The following PCDHGA10 variants were observed in gnomAD, a reference collection of about 807,000 sequenced individuals.
PCDHGA10 encodes the protein protocadherin gamma-A10.
In PCDHGA10, 42 loss-of-function variants were observed where a neutral mutation model predicts 59.5. The observed-to-expected ratio is 0.71, with a 90% CI of 0.55 to 0.91. The LOEUF (loss-of-function observed/expected upper bound fraction) is 0.91. Ranked by LOEUF, PCDHGA10 falls within the 40% of genes least tolerant of loss-of-function variation. PCDHGA10 has a pLI of 0.00. For synonymous variants in PCDHGA10, 511 were observed against 517.2 expected (o/e 0.99, Z 0.16); for missense variants, 1,111 against 1,198.2 (o/e 0.93, Z 1.07).
At chr5:141,459,375 C>T (rs973503237) in intron 1 of PCDHGA10, among the ~76,000 whole-genome samples, 2 of 152,194 alleles carry the variant, frequency 1.3e-5, no homozygotes, top group African/African-American at 4.8e-5. Flanking sequence ...GTATCAGCAG[C>T]GTGTTCCATT....
chr5:141,505,634 A>T, intron 3 of PCDHGA10, 153 bp downstream of exon 3: 6 of 971,426 alleles, frequency 6.2e-6, no homozygotes, highest in Non-Finnish European at 7.3e-6. Context: ...CCAAACATAA[A>T]GCCTGGAATT....
intron 1 of PCDHGA10, chr5:141,421,420 G>A: frequency 6.2e-7 from 1 of 1,614,084 alleles, no homozygotes; most frequent in Admixed American, 1.7e-5. Context: ...GAAGCGCGGA[G>A]TCCGCATCGT....
At chr5:141,510,402 G>A (rs2099880998) in intron 3 of PCDHGA10, among the ~76,000 whole-genome samples, 1 of 152,008 alleles carries the variant, frequency 6.6e-6, no homozygotes, top group African/African-American at 2.4e-5. Flanking sequence ...GCAAAGGCTA[G>A]GGGCATGTAA....
intron 1 of PCDHGA10, among the ~76,000 whole-genome samples, chr5:141,481,555 C>T (rs1013876865): frequency 3.3e-5 from 5 of 152,164 alleles, no homozygotes; most frequent in South Asian, 2.1e-4. Flanking sequence ...CAGTGGCTCA[C>T]GCCTGTAATC....
chr5:141,450,615 T>C (rs2098687601), intron 1 of PCDHGA10, among the ~76,000 whole-genome samples: 1 of 151,340 alleles, frequency 6.6e-6, no homozygotes, highest in African/African-American at 2.4e-5. Flanking sequence ...GCCTCCTGAG[T>C]AGCTGGGATT....
Position 141,486,266 on chromosome 5 carries a change from C to G in PCDHGA10, c.2437-8541C>G, listed in dbSNP as rs1311684194. On this transcript the variant is annotated intron_variant, in intron 1 of 3. Transcript: ENST00000398610. The surrounding 1 kb of genome is among the most constrained non-coding windows in gnomAD (Gnocchi z 5.0). Reference sequence around the variant, plus strand: ...TGGAACCCTCCCCGAGAGTGCAGAACCTGGCACTGTGGTGGCACTTATCAG... The same window carrying G: ...TGGAACCCTCCCCGAGAGTGCAGAAGCTGGCACTGTGGTGGCACTTATCAG... 1 of 1,614,098 alleles carries G rather than the reference C, an allele frequency of 6.2e-7. No individual in the cohort carries two copies.
In PCDHGA10 at chr5:141,423,305, A is replaced by G. The variant is rs746680027; in HGVS notation, c.2436+7694A>G. On this transcript the variant is annotated intron_variant, in intron 1 of 3. Coordinates refer to ENST00000398610, the MANE Select transcript of PCDHGA10 (RefSeq NM_018913.3). Reference sequence around the variant, plus strand: ...TCTGAAACCTCAGACCTCTCGCTGTACTTGGTGGTGGCGGTGGCCGCAGTC... The same window carrying G: ...TCTGAAACCTCAGACCTCTCGCTGTGCTTGGTGGTGGCGGTGGCCGCAGTC... 23 of 1,613,944 alleles carry G rather than the reference A, an allele frequency of 1.4e-5. No individual in the cohort carries two copies. Among genetic ancestry groups the G allele is most frequent in the Non-Finnish European group, 1.9e-5 (22 of 1,180,004 alleles).
chr5:141,427,425 AC>A (rs1184817093), intron 1 of PCDHGA10: 2 of 469,034 alleles, frequency 4.3e-6, no homozygotes, highest in Non-Finnish European at 8.5e-6. Flanking sequence ...TGGGGAGGTT[AC>A]ATGCCTCATA....
chr5:141,510,840 A>C (rs2099882997), intron 3 of PCDHGA10, 107 bp from the exon 4 acceptor site: 1 of 1,588,450 alleles, frequency 6.3e-7, no homozygotes, highest in Non-Finnish European at 8.6e-7. Context: ...CAGCGTGGTC[A>C]AGGCCCAGGG....
chr5:141,463,510 G>A (rs1031854898), intron 1 of PCDHGA10, among the ~76,000 whole-genome samples: 4 of 143,710 alleles, frequency 2.8e-5, no homozygotes, highest in Non-Finnish European at 4.5e-5. Context: ...GTGACGTGGC[G>A]TGATCTCGGC....
intron 1 of PCDHGA10, among the ~76,000 whole-genome samples, chr5:141,492,968 C>T: frequency 6.6e-6 from 1 of 152,240 alleles, no homozygotes; most frequent in East Asian, 1.9e-4. Flanking sequence ...GACACTCTAA[C>T]AAGTCCTGTC....
rs763097687 is a variant in PCDHGA10 at position 141,489,361 on chromosome 5, C to G, written c.2437-5446C>G. On this transcript the variant is annotated intron_variant, in intron 1 of 3. Transcript: ENST00000398610. This position sits in a 1 kb window ranked among gnomAD's most constrained non-coding sequence, Gnocchi z 4.5. Reference sequence around the variant, plus strand: ...TTACTCAGTGGTGGAGGAGTCTGAGCCGGGGACGCTGGTGGGGAATGTTGC... The same window carrying G: ...TTACTCAGTGGTGGAGGAGTCTGAGGCGGGGACGCTGGTGGGGAATGTTGC... 6.2e-7 allele frequency: 1 copy of G among 1,612,762 alleles called. No homozygotes were observed. Among genetic ancestry groups the G allele is most frequent in the African/African-American group, 1.3e-5 (1 of 74,874 alleles).
In PCDHGA10 at chr5:141,413,369, A is replaced by G. The variant is rs767278842; in HGVS notation, c.194A>G (p.Glu65Gly). The part of the protein sequence containing the change: ...DLGLAPRELA[E>G]RGVRIVSRGR... ...GGTCTGGCGCCCCGGGAGCTGGCGG[A>G]GCGCGGAGTCCGCATAGTCTCCAGA... The change falls in exon 1 of 4, where the codon GAG becomes GGG. Residue 65 changes from glutamate to glycine, a missense_variant. Glu to Gly is a moderately conservative substitution (Grantham distance 98). Transcript: ENST00000398610. 1 of 1,613,964 alleles carries G rather than the reference A, an allele frequency of 6.2e-7. No individual in the cohort carries two copies. The highest frequency in any genetic ancestry group is 1.1e-5 in the South Asian group (1 of 91,088).
rs1041367498 is a variant in PCDHGA10 at position 141,489,060 on chromosome 5, T to G, written c.2437-5747T>G. ...CAGCTCCACTCAAATTCAGCTCCCCTCCCCCCTGCCCACCCCCGCCACTCG... is the reference window on the plus strand; with the variant it reads ...CAGCTCCACTCAAATTCAGCTCCCCGCCCCCCTGCCCACCCCCGCCACTCG... On this transcript the variant is annotated intron_variant, in intron 1 of 3. Transcript: ENST00000398610. This position sits in a 1 kb window ranked among gnomAD's most constrained non-coding sequence, Gnocchi z 4.5. The G allele has an allele frequency of 1.7e-5, 5 of 300,224 alleles. No individual in the cohort carries two copies. The highest frequency in any genetic ancestry group is 2.4e-5 in the African/African-American group (1 of 42,484). The allele number at this position is 300,224 out of a possible 1,614,324, so 18.6% of individuals were successfully genotyped here.
intron 3 of PCDHGA10, among the ~76,000 whole-genome samples, chr5:141,506,444 C>CAA (rs1219684339): frequency 1.2e-3 from 116 of 94,976 alleles, no homozygotes; most frequent in African/African-American, 4.2e-3. Flanking sequence ...CGCTCTGTCT[C>CAA]AAAAAAAAAA....
chr5:141,425,177 GGAATTCCAAACTGA>G (rs2096860295), intron 1 of PCDHGA10, among the ~76,000 whole-genome samples: 1 of 152,036 alleles, frequency 6.6e-6, no homozygotes, highest in South Asian at 2.1e-4. Flanking sequence ...TTATACTTGT[GGAATTCCAAACTGA>G]GAAAAATGAT....
Position 141,415,443 on chromosome 5 carries a change from C to T in PCDHGA10, c.2268C>T (p.Thr756=). The T allele has an allele frequency of 6.2e-7, 1 of 1,614,196 alleles. No homozygotes were observed. Among genetic ancestry groups the T allele is most frequent in the Non-Finnish European group, 8.5e-7 (1 of 1,180,044 alleles). ...ACGGGGTTCGGGCTTTCCTGCAGAC[C>T]TATTCCCACGAGGTCTCTCTCACCG... The part of the protein sequence containing the change: ...GVDGVRAFLQ[T]YSHEVSLTAD... The change falls in exon 1 of 4, where the codon ACC becomes ACT. Residue 756 remains threonine (T), a synonymous_variant. Coordinates refer to ENST00000398610, the MANE Select transcript of PCDHGA10 (RefSeq NM_018913.3).
chr5:141,422,908 C>G, intron 1 of PCDHGA10: 1 of 1,614,244 alleles, frequency 6.2e-7, no homozygotes, highest in Non-Finnish European at 8.5e-7. Flanking sequence ...CGACAATGCG[C>G]CCGAGATCCT....
At chr5:141,433,655 G>T (rs1227358856) in intron 1 of PCDHGA10, among the ~76,000 whole-genome samples, 2 of 152,036 alleles carry the variant, frequency 1.3e-5, no homozygotes, top group Non-Finnish European at 1.5e-5. Flanking sequence ...GACCAACATG[G>T]AGAAACCCCG....
Sources: gnomAD v4.1 joint callset for allele counts (sites outside exome capture counted in the v4.1 genomes callset) on GRCh38, gnomAD v4.1.1 for gene constraint, Gnocchi (gnomAD v3.1) non-coding constraint, MANE v1.5 for transcripts, NCBI Gene and HGNC (gene_info 2026-07-23, HGNC 2026-07-21) for gene names.